FNTA: variants seen among roughly 807,000 people sequenced by gnomAD.
The protein encoded by FNTA is protein farnesyltransferase/geranylgeranyltransferase type-1 subunit alpha.
FNTA carries 27 observed loss-of-function variants against 55.2 expected under a neutral mutation model. The observed-to-expected ratio is 0.49, with a 90% CI of 0.36 to 0.67. The LOEUF is 0.67. FNTA is among the 30% of genes least tolerant of loss of function. FNTA has a pLI of 0.00. For synonymous variants in FNTA, 176 were observed against 170.7 expected (o/e 1.03, Z -0.24); for missense variants, 422 against 464.7 (o/e 0.91, Z 0.85).
chr8:43,078,031 T>C (rs1276782457), intron 6 of FNTA: 1 of 152,200 alleles, frequency 6.6e-6, no homozygotes, highest in South Asian at 2.1e-4. Context: ...ATAATTTTAG[T>C]GTAAATGTGT....
intron 4 of FNTA, among the ~76,000 whole-genome samples, chr8:43,071,203 AATTCCCCC>A (rs1245702718): frequency 1.3e-5 from 2 of 152,110 alleles, no homozygotes; most frequent in Non-Finnish European, 2.9e-5. Flanking sequence ...CTTACCATAC[AATTCCCCC>A]ATTCAAAGTA....
At chr8:43,070,217 A>T (rs1810756687) in intron 4 of FNTA, 1 of 151,402 alleles carries the variant, frequency 6.6e-6, no homozygotes, top group African/African-American at 2.4e-5. Context: ...GGCTGTCAGG[A>T]TAATCACTTG....
At chr8:43,083,681 C>T (rs1811068006) in intron 7 of FNTA, among the ~76,000 whole-genome samples, 1 of 152,180 alleles carries the variant, frequency 6.6e-6, no homozygotes, top group Non-Finnish European at 1.5e-5. Flanking sequence ...GGAAACTAGG[C>T]TCAAAGAGCA....
intron 5 of FNTA, among the ~76,000 whole-genome samples, chr8:43,074,885 C>T (rs532338647): frequency 1.3e-5 from 2 of 152,104 alleles, no homozygotes; most frequent in African/African-American, 4.8e-5. Context: ...ATTCTACCCC[C>T]ACTCCTCCAC....
intron 4 of FNTA, among the ~76,000 whole-genome samples, chr8:43,070,993 AC>A (rs1169061513): frequency 6.6e-6 from 1 of 152,108 alleles, no homozygotes; most frequent in East Asian, 1.9e-4. Context: ...AAATTTGGAA[AC>A]CTTCTGTCTA....
rs1161377597 is a variant in FNTA, at chr8:43,059,084, G to A, written c.201-8G>A. On this transcript the variant is annotated splice_polypyrimidine_tract_variant and splice_region_variant and intron_variant, in intron 1 of 8. Coordinates refer to ENST00000302279, the MANE Select transcript of FNTA (RefSeq NM_002027.3). ...TGTAACCACTGGTTGGGGAATGTCT[G>A]TTTTCAGGGACAGAGCAGAATGGGC... 1.2e-6 allele frequency: 2 copies of A among 1,609,886 alleles called. No individual in the cohort carries two copies. The highest frequency in any genetic ancestry group is 1.7e-6 in the Non-Finnish European group (2 of 1,177,744).
At chr8:43,077,034 A>G in intron 5 of FNTA, 182 bp from the exon 6 acceptor site, 1 of 446,202 alleles carries the variant, frequency 2.2e-6, no homozygotes, top group Non-Finnish European at 3.9e-6. Flanking sequence ...TCCAGGCTCT[A>G]TCATCAATTT....
At chr8:43,064,244 T>C (rs748657559) in intron 3 of FNTA, 29 bp downstream of exon 3, 6 of 1,319,064 alleles carry the variant, frequency 4.5e-6, no homozygotes, top group Non-Finnish European at 1.1e-6. Context: ...CAGTATTCCC[T>C]GCTTAAATGT....
intron 3 of FNTA, 78 bp from the exon 4 acceptor site, chr8:43,069,477 C>T: frequency 1.1e-6 from 1 of 902,756 alleles, no homozygotes; most frequent in Non-Finnish European, 1.8e-6. Context: ...GTATTGCTGA[C>T]TTGTAGCTGT....
intron 5 of FNTA, among the ~76,000 whole-genome samples, chr8:43,075,432 A>G: frequency 6.6e-6 from 1 of 151,470 alleles, no homozygotes; most frequent in Middle Eastern, 3.4e-3. Context: ...CAAATTATTT[A>G]TAAGTTTTTT....
At chr8:43,063,152 C>T (rs577041968) in intron 2 of FNTA, 100 of 388,294 alleles carry the variant, frequency 2.6e-4, no homozygotes, top group South Asian at 1.8e-3. Context: ...GCGATCATGG[C>T]TCACTGCAGC....
rs1563324150 is a variant in FNTA at position 43,056,414 on chromosome 8, C to T, written c.68C>T (p.Pro23Leu). The T allele has an allele frequency of 1.3e-6, 2 of 1,521,000 alleles. No individual in the cohort carries two copies. The highest frequency in any genetic ancestry group is 2.1e-5 in the Admixed American group (1 of 48,090). 94.2% of individuals were successfully genotyped at this position (1,521,000 alleles called of 1,614,324 possible). A position where few individuals can be genotyped will look rare whatever the true frequency, so the allele number is the denominator to read the frequency against. ...GAGCCCGGGCAGCCGGCGCAACCCCCGCCCCAGCCGCACCCACCGCCGCCC... is the reference window on the plus strand; with the variant it reads ...GAGCCCGGGCAGCCGGCGCAACCCCTGCCCCAGCCGCACCCACCGCCGCCC... ...GGEPGQPAQP[P>L]PQPHPPPPQQ... Residue 23 changes from proline (P) to leucine (L), a missense_variant, in exon 1 of 9, where the codon CCG (proline) becomes CTG (leucine). Physicochemically the swap from Pro to Leu is moderately conservative, Grantham distance 98. Transcript: ENST00000302279.
intron 2 of FNTA, among the ~76,000 whole-genome samples, chr8:43,063,642 A>C (rs568386269): frequency 6.6e-5 from 10 of 152,270 alleles, no homozygotes; most frequent in African/African-American, 2.4e-4. Flanking sequence ...AGAATGAGTT[A>C]ATAATGGTTG....
Position 43,059,140 on chromosome 8 carries a change from C to T in FNTA, c.249C>T (p.Gly83=), listed in dbSNP as rs777688073. Residue 83 remains glycine (G), a synonymous_variant, in exon 2 of 9, where the codon GGC becomes GGT. Coordinates refer to ENST00000302279, the MANE Select transcript of FNTA (RefSeq NM_002027.3). ...ADIDPVPQND[G]PNPVVQIIYS... ...TAGATCCGGTGCCGCAGAATGATGGCCCCAATCCCGTGGTCCAGATCATTT... is the reference window on the plus strand; with the variant it reads ...TAGATCCGGTGCCGCAGAATGATGGTCCCAATCCCGTGGTCCAGATCATTT... The T allele has an allele frequency of 1.9e-6, 3 of 1,613,344 alleles. No individual in the cohort carries two copies. Among genetic ancestry groups the T allele is most frequent in the Admixed American group, 1.7e-5 (1 of 59,930 alleles).
At chr8:43,083,799 A>C (rs1293552660) in intron 7 of FNTA, among the ~76,000 whole-genome samples, 2 of 152,206 alleles carry the variant, frequency 1.3e-5, no homozygotes, top group East Asian at 3.9e-4. Flanking sequence ...AGGGCTGGGC[A>C]TGTTAGCTCA....
chr8:43,062,023 TATA>T (rs1810544575), intron 2 of FNTA, among the ~76,000 whole-genome samples: 1 of 152,036 alleles, frequency 6.6e-6, no homozygotes, highest in African/African-American at 2.4e-5. Context: ...CTGGTCTGTT[TATA>T]ATGTTTGAAT....
At chr8:43,079,159 A>G (rs967800999) in intron 6 of FNTA, 7 of 163,096 alleles carry the variant, frequency 4.3e-5, no homozygotes, top group African/African-American at 1.7e-4. Flanking sequence ...AGCTGCAGTG[A>G]GTTTTCCAGA....
intron 3 of FNTA, among the ~76,000 whole-genome samples, chr8:43,067,268 C>T (rs772745824): frequency 1.3e-5 from 2 of 152,124 alleles, no homozygotes; most frequent in Non-Finnish European, 2.9e-5. Flanking sequence ...TTTGGAAATA[C>T]GTCATACCTC....
intron 6 of FNTA, 55 bp downstream of exon 6, chr8:43,077,419 A>C (rs1344328282): frequency 2.8e-6 from 4 of 1,443,300 alleles, no homozygotes; most frequent in African/African-American, 1.4e-5. Context: ...CATGCCTACC[A>C]TATCTCAGGC....
Sources: allele counts gnomAD v4.1 joint callset (sites outside exome capture counted in the v4.1 genomes callset), GRCh38; gene constraint gnomAD v4.1.1; transcripts MANE v1.5; gene names NCBI Gene and HGNC (gene_info 2026-07-23, HGNC 2026-07-21).